CNTRL: variants seen among roughly 807,000 people sequenced by gnomAD.
CNTRL encodes 110 kDa centrosomal protein.
A neutral mutation model predicts 303.7 loss-of-function variants in CNTRL; 233 were observed. The ratio of observed to expected loss-of-function variants is 0.77; its 90% CI spans 0.69 to 0.86. CNTRL has a LOEUF of 0.86. Ranked by LOEUF, CNTRL falls within the 40% of genes least tolerant of loss-of-function variation. CNTRL has a pLI of 0.00. For synonymous variants in CNTRL, 900 were observed against 922.2 expected (o/e 0.98, Z 0.44); for missense variants, 2,524 against 2,650.6 (o/e 0.95, Z 1.05).
chr9:121,097,584 T>TA (rs2048942947), intron 6 of CNTRL, among the ~76,000 whole-genome samples: 1 of 151,972 alleles, frequency 6.6e-6, no homozygotes, highest in African/African-American at 2.4e-5. Context: ...CCTGTGACAG[T>TA]CAAGAGCCTC....
chr9:121,092,963 C>T (rs1383843634), intron 4 of CNTRL, among the ~76,000 whole-genome samples: 5 of 149,494 alleles, frequency 3.3e-5, no homozygotes, highest in African/African-American at 7.4e-5. Flanking sequence ...CGTGCTACGA[C>T]GCCCAGCTAA....
chr9:121,155,484 C>T (rs778903830), intron 27 of CNTRL, among the ~76,000 whole-genome samples: 9 of 152,114 alleles, frequency 5.9e-5, no homozygotes, highest in East Asian at 1.9e-4. Flanking sequence ...CGGGTTCAAG[C>T]GATTCTCCTG....
chr9:121,149,809 C>T (rs1232196260), intron 24 of CNTRL, among the ~76,000 whole-genome samples: 2 of 152,104 alleles, frequency 1.3e-5, no homozygotes, highest in Admixed American at 6.5e-5. Flanking sequence ...TAAGCTATCA[C>T]GTTGGAGAGT....
At position 121,138,590 on chromosome 9, in the gene CNTRL, G is replaced by A. The variant is rs766439710; in HGVS notation, c.2248G>A (p.Ala750Thr). ...LQAELEKERQ[A>T]LKNALGKAQF... ...AGCAGAACTTGAGAAGGAAAGGCAA[G>A]CCCTCAAGAATGCCCTTGGAAAAGC... is the stretch of plus-strand genomic sequence containing the variant. The change falls in exon 16 of 44, where the codon GCC becomes ACC. Residue 750 changes from alanine (A) to threonine (T), a missense_variant. Transcript: ENST00000373855. 3 of 1,613,842 alleles carry A rather than the reference G, an allele frequency of 1.9e-6. No homozygotes were observed. Among genetic ancestry groups the A allele is most frequent in the African/African-American group, 1.3e-5 (1 of 74,926 alleles).
intron 5 of CNTRL, among the ~76,000 whole-genome samples, chr9:121,095,657 T>C (rs1378285848): frequency 6.6e-6 from 1 of 152,148 alleles, no homozygotes; most frequent in East Asian, 1.9e-4. Context: ...GAAGTTCTGA[T>C]ATGACAAAAC....
chr9:121,145,099 A>G (rs2051761980), intron 21 of CNTRL, 140 bp downstream of exon 21: 2 of 1,142,624 alleles, frequency 1.8e-6, no homozygotes, highest in South Asian at 3.0e-5. Context: ...ACTGTGTGCC[A>G]GGCTTGGTGC....
rs2049716605 is a variant in CNTRL at position 121,110,870 on chromosome 9, T to C, written c.1003-1589T>C. ...TTGACATCTATTTTGCTTTTATTCA[T>C]GCATTTCTTCAACAGATATTTATTG... On this transcript the variant is annotated intron_variant, in intron 8 of 43. Transcript: ENST00000373855. 7.2e-5 allele frequency among the ~76,000 whole-genome samples: 11 copies of C among 152,064 alleles called. No homozygotes were observed. The South Asian group carries it at 2.3e-3, about 32-fold the overall frequency.
chr9:121,126,637 T>G (rs1470880079), intron 14 of CNTRL, among the ~76,000 whole-genome samples: 1 of 152,190 alleles, frequency 6.6e-6, no homozygotes, highest in Non-Finnish European at 1.5e-5. Flanking sequence ...TCTACTCCTT[T>G]CCAGAAGTAA....
intron 15 of CNTRL, among the ~76,000 whole-genome samples, chr9:121,137,403 T>G (rs1292662358): frequency 1.3e-5 from 2 of 152,184 alleles, no homozygotes; most frequent in Non-Finnish European, 2.9e-5. Context: ...CCAAATTGTA[T>G]CTGTTTGTTT....
intron 7 of CNTRL, among the ~76,000 whole-genome samples, chr9:121,102,036 C>T (rs1037197632): frequency 6.6e-6 from 1 of 152,144 alleles, no homozygotes; most frequent in Non-Finnish European, 1.5e-5. Context: ...GGGAATCCAC[C>T]CTAACTCATT....
chr9:121,119,948 G>A (rs938329078), intron 12 of CNTRL, among the ~76,000 whole-genome samples: 4 of 152,156 alleles, frequency 2.6e-5, no homozygotes, highest in Admixed American at 2.6e-4. Flanking sequence ...TCTCTGGAAT[G>A]TTTCTTCCTG....
chr9:121,172,008 G>A (rs2053325867), intron 40 of CNTRL, among the ~76,000 whole-genome samples: 1 of 152,054 alleles, frequency 6.6e-6, no homozygotes, highest in African/African-American at 2.4e-5. Flanking sequence ...GATATCTCTG[G>A]TGTCCTTTAG....
chr9:121,141,551 A>G lies in CNTRL; in HGVS notation c.2654A>G (p.Glu885Gly). 2 of 1,614,126 alleles carry G rather than the reference A, an allele frequency of 1.2e-6. No individual in the cohort carries two copies. The highest frequency in any genetic ancestry group is 1.7e-6 in the Non-Finnish European group (2 of 1,179,988). ...QQEKLATGQE[E>G]FRQACERALE... ...GAGAAACTGGCAACTGGACAAGAAG[A>G]GTTCAGGCAGGCCTGTGAGAGAGCC... is the stretch of plus-strand genomic sequence containing the variant. The change falls in exon 18 of 44, where the codon GAG becomes GGG. Residue 885 changes from glutamate (E) to glycine (G), a missense_variant. Physicochemically the swap from Glu to Gly is moderately conservative, Grantham distance 98. Transcript: ENST00000373855.
At chr9:121,105,906 T>G (rs916164862) in intron 7 of CNTRL, among the ~76,000 whole-genome samples, 1 of 152,044 alleles carries the variant, frequency 6.6e-6, no homozygotes, top group Non-Finnish European at 1.5e-5. Flanking sequence ...TAGTACTTAA[T>G]AAATCATTTT....
intron 38 of CNTRL, among the ~76,000 whole-genome samples, chr9:121,169,077 C>T (rs918746287): frequency 2.6e-5 from 4 of 152,170 alleles, no homozygotes; most frequent in Non-Finnish European, 4.4e-5. Flanking sequence ...ACTTTTATTT[C>T]GTAAGCATTA....
At position 121,151,484 on chromosome 9, in the gene CNTRL, G is replaced by A. The variant is rs991483077; in HGVS notation, c.3963+1001G>A. Among the ~76,000 whole-genome samples the A allele has an allele frequency of 8.0e-5, 11 of 138,330 alleles. No homozygotes were observed. The East Asian group carries it at 1.2e-3, about 15-fold the overall frequency. 90.7% of individuals were successfully genotyped at this position (138,330 alleles called of 152,430 possible). ...TGGCTCACTGCAACCTCCGCCTCCC[G>A]GGTTCAGGCAATTCTCCTGCCTCAG... On this transcript the variant is annotated intron_variant, in intron 25 of 43. Transcript: ENST00000373855.
At chr9:121,116,528 G>C (rs1463652693) in intron 11 of CNTRL, among the ~76,000 whole-genome samples, 1 of 152,014 alleles carries the variant, frequency 6.6e-6, no homozygotes, top group Non-Finnish European at 1.5e-5. Context: ...TCACCATATT[G>C]ACCAGGCTGG....
At chr9:121,161,655 A>G (rs1398130632) in intron 32 of CNTRL, 5 of 512,392 alleles carry the variant, frequency 9.8e-6, no homozygotes, top group African/African-American at 2.0e-5. Flanking sequence ...GCTTGTTAAA[A>G]TGTTTTTAAC....
rs1271398666 is a variant in CNTRL, at chr9:121,140,641, G to C, written c.2338G>C (p.Asp780His). The C allele has an allele frequency of 1.2e-6, 2 of 1,605,600 alleles. No homozygotes were observed. Among genetic ancestry groups the C allele is most frequent in the Non-Finnish European group, 1.7e-6 (2 of 1,174,884 alleles). The stretch of plus-strand genomic sequence containing the variant: ...ATCCCTATTTCATCCCCCTCCATAG[G>C]ATGACAATAATCTGTTAAAACAGCA... ...ELHAKLKHLQ[D>H]DNNLLKQQLK... The change falls in exon 17 of 44, where the codon GAT (aspartate) becomes CAT (histidine). Residue 780 changes from aspartate to histidine, a missense_variant and splice_region_variant. Physicochemically the swap from Asp to His is moderately conservative, Grantham distance 81. Transcript: ENST00000373855.
Sources: gnomAD v4.1 joint callset for allele counts (sites outside exome capture counted in the v4.1 genomes callset) on GRCh38, gnomAD v4.1.1 for gene constraint, MANE v1.5 for transcripts, NCBI Gene and HGNC (gene_info 2026-07-23, HGNC 2026-07-21) for gene names.